The following DMRT3 variants were observed in gnomAD, a reference collection of about 807,000 sequenced individuals.
DMRT3 encodes doublesex- and mab-3-related transcription factor 3.
DMRT3 carries 29 observed loss-of-function variants against 34.9 expected under a neutral mutation model. The observed-to-expected ratio is 0.83, with a 90% CI of 0.62 to 1.13. The LOEUF (loss-of-function observed/expected upper bound fraction) is 1.13. Among genes scored for constraint, DMRT3 ranks in the 50% most tolerant of loss-of-function variants. The pLI is 0.00. For missense variants in DMRT3, 772 were observed against 629.1 expected (o/e 1.23, Z -2.43); for synonymous variants, 350 against 286.0 (o/e 1.22, Z -2.26).
rs190877648 is a variant in DMRT3, at chr9:979,372, T to C, written c.454+1917T>C. On this transcript the variant is annotated intron_variant, in intron 1 of 1. Coordinates refer to ENST00000190165, the MANE Select transcript of DMRT3 (RefSeq NM_021240.4). The stretch of plus-strand genomic sequence containing the variant: ...ACAAAGCAGAGCTGTGCTGTTTTAC[T>C]CCTACTTAGCACTCAGGGATAGCCT... Among the ~76,000 whole-genome samples the C allele has an allele frequency of 2.6e-5, 4 of 152,262 alleles. No individual in the cohort carries two copies. The East Asian group carries it at 7.7e-4, about 29-fold the overall frequency.
At chr9:979,334 G>A (rs537207655) in intron 1 of DMRT3, among the ~76,000 whole-genome samples, 11 of 152,284 alleles carry the variant, frequency 7.2e-5, no homozygotes, top group African/African-American at 2.2e-4. Flanking sequence ...AAAAGGAAAC[G>A]GATCTCAACT....
chr9:982,056 G>T (rs1360684977), intron 1 of DMRT3, among the ~76,000 whole-genome samples: 1 of 152,236 alleles, frequency 6.6e-6, no homozygotes, highest in East Asian at 1.9e-4. Flanking sequence ...AATATTGCAT[G>T]GGACATACTT....
rs367997053 is a variant in DMRT3 at position 990,213 on chromosome 9, A to G, written c.627A>G (p.Lys209=). 7 of 1,613,798 alleles carry G rather than the reference A, an allele frequency of 4.3e-6. No homozygotes were observed. The African/African-American group carries it at 6.7e-5, about 15-fold the overall frequency. Residue 209 remains lysine, a synonymous_variant, in exon 2 of 2, where the codon AAA becomes AAG. Coordinates refer to ENST00000190165, the MANE Select transcript of DMRT3 (RefSeq NM_021240.4). ...AGGAAGGGGGATACGCTGTCCAGAAAAACGGAGGCAACCCCGAGAGCCGCC... is the reference window on the plus strand; with the variant it reads ...AGGAAGGGGGATACGCTGTCCAGAAGAACGGAGGCAACCCCGAGAGCCGCC... ...SVEEGGYAVQ[K]NGGNPESRPD...
At chr9:979,865 A>G (rs756045585) in intron 1 of DMRT3, among the ~76,000 whole-genome samples, 9 of 152,246 alleles carry the variant, frequency 5.9e-5, no homozygotes, top group Admixed American at 2.0e-4. Flanking sequence ...GCATATCAGA[A>G]CTACTCCTGA....
At chr9:985,606 T>A (rs1407479752) in intron 1 of DMRT3, among the ~76,000 whole-genome samples, 4 of 152,222 alleles carry the variant, frequency 2.6e-5, no homozygotes, top group African/African-American at 9.6e-5. Context: ...ATAGAATAAT[T>A]TACAATATAT....
intron 1 of DMRT3, among the ~76,000 whole-genome samples, chr9:978,693 GCC>G (rs1820181021): frequency 1.3e-5 from 2 of 152,202 alleles, no homozygotes; most frequent in African/African-American, 4.8e-5. Flanking sequence ...GAGTTCTGCT[GCC>G]CTGTCTTTCC....
chr9:990,224 A>T lies in DMRT3; in HGVS notation c.638A>T (p.Asn213Ile), dbSNP rs1586686808. 1.9e-6 allele frequency: 3 copies of T among 1,612,840 alleles called. No homozygotes were observed. The highest frequency in any genetic ancestry group is 1.1e-5 in the South Asian group (1 of 90,890). The change falls in exon 2 of 2, where the codon AAC becomes ATC. Residue 213 changes from asparagine to isoleucine, a missense_variant. Asn to Ile is a moderately radical substitution (Grantham distance 149, BLOSUM62 -3). Coordinates refer to ENST00000190165, the MANE Select transcript of DMRT3 (RefSeq NM_021240.4). Reference protein sequence around the residue: ...GGYAVQKNGGNPESRPDSPKC... With the variant: ...GGYAVQKNGGIPESRPDSPKC... ...TACGCTGTCCAGAAAAACGGAGGCA[A>T]CCCCGAGAGCCGCCCTGACAGCCCC... is the stretch of plus-strand genomic sequence containing the variant.
intron 1 of DMRT3, 133 bp downstream of exon 1, chr9:977,588 C>A (rs1224349700): frequency 1.1e-6 from 1 of 929,998 alleles, no homozygotes; most frequent in Non-Finnish European, 1.4e-6. Flanking sequence ...TTCCTACTCT[C>A]CGCCAGGCCG....
In DMRT3 at chr9:976,708, G is replaced by C. The variant is rs898114467; in HGVS notation, c.-294G>C. On this transcript the variant is annotated 5_prime_UTR_variant, in exon 1 of 2. Transcript: ENST00000190165. This position sits in a 1 kb window ranked among gnomAD's most constrained non-coding sequence, Gnocchi z 4.5. Reference sequence around the variant, plus strand: ...GAGCTGTCGCCGGCTCCTTGCAGCCGCCGCAGCGCCTCCGCGAAGGAGGAC... The same window carrying C: ...GAGCTGTCGCCGGCTCCTTGCAGCCCCCGCAGCGCCTCCGCGAAGGAGGAC... 1.3e-5 allele frequency among the ~76,000 whole-genome samples: 2 copies of C among 152,204 alleles called. No homozygotes were observed. Among genetic ancestry groups the C allele is most frequent in the African/African-American group, 4.8e-5 (2 of 41,462 alleles).
Position 990,637 on chromosome 9 carries a change from C to A in DMRT3, c.1051C>A (p.Pro351Thr). Residue 351 changes from proline (P) to threonine (T), a missense_variant, in exon 2 of 2, where the codon CCC becomes ACC. By Grantham distance (38) the Pro-to-Thr change is conservative (BLOSUM62 -1). Coordinates refer to ENST00000190165, the MANE Select transcript of DMRT3 (RefSeq NM_021240.4). ...TTCTGCCGACTCTAGCAACGTTGTCCCCAGTCCCTTGGCTGGGCCTCTGCA... is the reference window on the plus strand; with the variant it reads ...TTCTGCCGACTCTAGCAACGTTGTCACCAGTCCCTTGGCTGGGCCTCTGCA... ...RFSADSSNVV[P>T]SPLAGPLQPP... The A allele has an allele frequency of 6.2e-7, 1 of 1,614,086 alleles. No individual in the cohort carries two copies. Among genetic ancestry groups the A allele is most frequent in the Non-Finnish European group, 8.5e-7 (1 of 1,180,018 alleles).
rs1011051655 is a variant in DMRT3, at chr9:982,026, C to T, written c.454+4571C>T. The stretch of plus-strand genomic sequence containing the variant: ...GTTGACACCTTCTGCAAAAATCATG[C>T]AAACAAAAAATAGGATGCCAATATT... On this transcript the variant is annotated intron_variant, in intron 1 of 1. Coordinates refer to ENST00000190165, the MANE Select transcript of DMRT3 (RefSeq NM_021240.4). Among the ~76,000 whole-genome samples the T allele has an allele frequency of 2.0e-5, 3 of 152,152 alleles. No individual in the cohort carries two copies. The South Asian group carries it at 6.2e-4, about 31-fold the overall frequency.
intron 1 of DMRT3, among the ~76,000 whole-genome samples, chr9:985,653 C>T (rs1295820431): frequency 6.6e-6 from 1 of 152,178 alleles, no homozygotes; most frequent in African/African-American, 2.4e-5. Flanking sequence ...GTACTAGACA[C>T]CATAGCGCCA....
At chr9:985,237 C>T (rs1356977700) in intron 1 of DMRT3, among the ~76,000 whole-genome samples, 2 of 152,092 alleles carry the variant, frequency 1.3e-5, no homozygotes, top group East Asian at 3.8e-4. Flanking sequence ...TAATATTTGT[C>T]ATATTCGATA....
rs1586686749 is a variant in DMRT3 at position 990,156 on chromosome 9, C to T, written c.570C>T (p.Phe190=). Residue 190 remains phenylalanine, a synonymous_variant, in exon 2 of 2, where the codon TTC becomes TTT. Transcript: ENST00000190165. ...ATGTGGCAAAGAGTAAGGGCTGCTTCACCCCTGAGAGCCCTGAGATAGTGT... is the reference window on the plus strand; with the variant it reads ...ATGTGGCAAAGAGTAAGGGCTGCTTTACCCCTGAGAGCCCTGAGATAGTGT... ...SPDVAKSKGC[F]TPESPEIVSV... is the part of the protein sequence containing the mutation. The T allele has an allele frequency of 6.2e-7, 1 of 1,614,098 alleles. No individual in the cohort carries two copies. The highest frequency in any genetic ancestry group is 2.2e-5 in the East Asian group (1 of 44,860).
In DMRT3 at chr9:990,696, G is replaced by C; in HGVS notation, c.1110G>C (p.Leu370=). 6.2e-7 allele frequency: 1 copy of C among 1,614,062 alleles called. No individual in the cohort carries two copies. The change falls in exon 2 of 2, where the codon CTG becomes CTC. Residue 370 remains leucine (L), a synonymous_variant. Coordinates refer to ENST00000190165, the MANE Select transcript of DMRT3 (RefSeq NM_021240.4). ...PPFPQPPRYP[L]MLRNTLARSQ... The stretch of plus-strand genomic sequence containing the variant: ...TCCCCCAGCCACCCCGGTACCCGCT[G>C]ATGCTGAGGAATACTTTGGCGAGAA...
At chr9:979,305 C>G (rs568241042) in intron 1 of DMRT3, among the ~76,000 whole-genome samples, 1 of 152,286 alleles carries the variant, frequency 6.6e-6, no homozygotes, top group East Asian at 1.9e-4. Context: ...CAGCAGGATA[C>G]GTGCTTTGGG....
chr9:991,115 G>A lies in DMRT3; in HGVS notation c.*110G>A. ...ATGCCCTTTCCTTCTGTTTGACAAA[G>A]TGACTGTGCTTGATTCTATACATTA... is the stretch of plus-strand genomic sequence containing the variant. On this transcript the variant is annotated 3_prime_UTR_variant, in exon 2 of 2. Coordinates refer to ENST00000190165, the MANE Select transcript of DMRT3 (RefSeq NM_021240.4). 7.2e-7 allele frequency: 1 copy of A among 1,381,806 alleles called. No individual in the cohort carries two copies. Among genetic ancestry groups the A allele is most frequent in the African/African-American group, 1.4e-5 (1 of 69,330 alleles). The allele number at this position is 1,381,806 out of a possible 1,614,324, so 85.6% of individuals were successfully genotyped here.
chr9:986,178 A>G (rs1273191366), intron 1 of DMRT3, among the ~76,000 whole-genome samples: 4 of 152,196 alleles, frequency 2.6e-5, no homozygotes, highest in South Asian at 2.1e-4. Flanking sequence ...AGAGTTCACA[A>G]TTGCTGAACA....
At position 991,608 on chromosome 9, in the gene DMRT3, C is replaced by G. The variant is rs1279921581; in HGVS notation, c.*603C>G. ...GGCTGAATCGAAACATGTGTAATGT[C>G]AATGTAAAACCAATCACAGCTGTGA... is the stretch of plus-strand genomic sequence containing the variant. On this transcript the variant is annotated 3_prime_UTR_variant, in exon 2 of 2. Transcript: ENST00000190165. 1 of 152,668 alleles carries G rather than the reference C, an allele frequency of 6.6e-6. No homozygotes were observed. Among genetic ancestry groups the G allele is most frequent in the Non-Finnish European group, 1.5e-5 (1 of 68,130 alleles). The allele number at this position is 152,668 out of a possible 1,614,324, so 9.5% of individuals were successfully genotyped here.
Sources: allele counts gnomAD v4.1 joint callset (sites outside exome capture counted in the v4.1 genomes callset), GRCh38; gene constraint gnomAD v4.1.1; non-coding constraint Gnocchi (gnomAD v3.1); transcripts MANE v1.5; gene names NCBI Gene and HGNC (gene_info 2026-07-23, HGNC 2026-07-21).